The following PLXNA4 variants were observed in gnomAD, a reference collection of about 807,000 sequenced individuals.
PLXNA4 encodes the protein plexin-A4.
A neutral mutation model predicts 191.8 loss-of-function variants in PLXNA4; 44 were observed. The observed-to-expected ratio is 0.23, with a 90% confidence interval of 0.18 to 0.29. The LOEUF (loss-of-function observed/expected upper bound fraction) is 0.29, where lower values mean the gene tolerates loss of function less well. Among genes scored for constraint, PLXNA4 ranks in the 10% least tolerant of loss-of-function variants. The pLI is 1.00. For missense variants in PLXNA4, 1,800 were observed against 2,488.8 expected, an observed-to-expected ratio of 0.72 and a Z score of 5.89; for synonymous variants, 1,082 against 1,009.5, an observed-to-expected ratio of 1.07 and a Z score of -1.36.
At chr7:132,160,838 A>G (rs993248803) in intron 24 of PLXNA4, among the ~76,000 whole-genome samples, 9 of 152,122 alleles carry the variant, frequency 5.9e-5, no homozygotes, top group African/African-American at 1.9e-4. Flanking sequence ...GGCAATCAGA[A>G]CCCTGGGCTC....
At chr7:132,481,000 A>G (rs1222323709) in intron 3 of PLXNA4, among the ~76,000 whole-genome samples, 1 of 152,182 alleles carries the variant, frequency 6.6e-6, no homozygotes, top group African/African-American at 2.4e-5. Flanking sequence ...TGTCAGGTCC[A>G]CTTCCATGCA....
intron 1 of PLXNA4, among the ~76,000 whole-genome samples, chr7:132,555,185 A>T (rs1315554772): frequency 6.6e-6 from 1 of 152,238 alleles, no homozygotes; most frequent in Non-Finnish European, 1.5e-5. Flanking sequence ...GATTGAATAT[A>T]TAAACGTGGC....
chr7:132,297,189 C>A (rs115551149), intron 4 of PLXNA4, among the ~76,000 whole-genome samples: 1 of 152,098 alleles, frequency 6.6e-6, no homozygotes, highest in Non-Finnish European at 1.5e-5. Context: ...AGATCTGCCC[C>A]TCATGGCCGC....
intron 3 of PLXNA4, among the ~76,000 whole-genome samples, chr7:132,321,277 C>G (rs1802153672): frequency 6.6e-6 from 1 of 152,018 alleles, no homozygotes; most frequent in African/African-American, 2.4e-5. Flanking sequence ...TTCTGTCTGC[C>G]AAGCTGCTGA....
At chr7:132,181,981 T>C in intron 17 of PLXNA4, 116 bp downstream of exon 17, 2 of 1,524,324 alleles carry the variant, frequency 1.3e-6, no homozygotes, top group Non-Finnish European at 1.8e-6. Flanking sequence ...TGTCAGGCTG[T>C]GGGTTATCAG....
chr7:132,199,885 G>T (rs1022051599), intron 12 of PLXNA4, among the ~76,000 whole-genome samples: 3 of 152,188 alleles, frequency 2.0e-5, no homozygotes, highest in Non-Finnish European at 4.4e-5. Flanking sequence ...GTGTGCAGGG[G>T]TGTGAGCCTG....
At chr7:132,227,853 A>G (rs1444570485) in intron 6 of PLXNA4, among the ~76,000 whole-genome samples, 1 of 152,198 alleles carries the variant, frequency 6.6e-6, no homozygotes, top group African/African-American at 2.4e-5. Context: ...CCAGGAAACA[A>G]GAATGCTTAA....
chr7:132,551,544 G>A (rs569426837), intron 1 of PLXNA4, among the ~76,000 whole-genome samples: 112 of 152,218 alleles, frequency 7.4e-4, no homozygotes, highest in Admixed American at 5.2e-4. Flanking sequence ...TACCTCGCTG[G>A]AGGCTGCAAG....
At chr7:132,423,075 G>A (rs891789516) in intron 3 of PLXNA4, among the ~76,000 whole-genome samples, 2 of 152,142 alleles carry the variant, frequency 1.3e-5, no homozygotes. Flanking sequence ...CATGGAATTC[G>A]TTACACGACT....
intron 3 of PLXNA4, among the ~76,000 whole-genome samples, chr7:132,340,538 C>T (rs1174418955): frequency 6.6e-6 from 1 of 152,096 alleles, no homozygotes; most frequent in East Asian, 1.9e-4. Flanking sequence ...TTAGTGTACA[C>T]CAAGGACAGC....
chr7:132,370,521 G>A (rs1242867896), intron 3 of PLXNA4, among the ~76,000 whole-genome samples: 1 of 152,150 alleles, frequency 6.6e-6, no homozygotes, highest in African/African-American at 2.4e-5. Context: ...TTTGTATTTG[G>A]ATGCATACAT....
At position 132,554,286 on chromosome 7, in the gene PLXNA4, C is replaced by T. The variant is rs114423167; in HGVS notation, c.-87+22136G>A. On this transcript the variant is annotated intron_variant, in intron 1 of 31. Coordinates refer to ENST00000321063, the MANE Select transcript of PLXNA4 (RefSeq NM_020911.2). ...GGGGACAGTGTGACAATGAGGTGCC[C>T]CTTTTCCTTTAGGGGACAGAGAAGC... Among the ~76,000 whole-genome samples the T allele has an allele frequency of 6.5e-3, 993 of 152,190 alleles. 13 individuals are homozygous for T. The highest frequency in any genetic ancestry group is 0.022 in the African/African-American group (913 of 41,510).
rs551451677 is a variant in PLXNA4, at chr7:132,228,853, C to T, written c.1605-384G>A. 6.6e-5 allele frequency among the ~76,000 whole-genome samples: 10 copies of T among 152,284 alleles called. No individual in the cohort carries two copies. In the East Asian group the frequency reaches 1.9e-3, roughly 29 times the overall value. Reference sequence around the variant, plus strand: ...TCATATAGAAAATATACCTCCTTGGCTTTGAACATGCCAGTTCTTCTGCTG... The same window carrying T: ...TCATATAGAAAATATACCTCCTTGGTTTTGAACATGCCAGTTCTTCTGCTG... On this transcript the variant is annotated intron_variant, in intron 5 of 31. Transcript: ENST00000321063.
intron 3 of PLXNA4, among the ~76,000 whole-genome samples, chr7:132,335,603 C>A (rs1303418771): frequency 6.6e-6 from 1 of 152,166 alleles, no homozygotes; most frequent in African/African-American, 2.4e-5. Context: ...TAAATTGATG[C>A]GTTCTGACAT....
intron 4 of PLXNA4, among the ~76,000 whole-genome samples, chr7:132,276,274 C>T (rs1800275319): frequency 6.6e-6 from 1 of 152,126 alleles, no homozygotes; most frequent in African/African-American, 2.4e-5. Flanking sequence ...AGTTTTTCTA[C>T]CACCTTCCTT....
chr7:132,167,602 A>G (rs1796159800), intron 22 of PLXNA4, among the ~76,000 whole-genome samples: 1 of 152,092 alleles, frequency 6.6e-6, no homozygotes, highest in East Asian at 1.9e-4. Flanking sequence ...TGGTGAGATC[A>G]TGGCTCACTA....
intron 1 of PLXNA4, among the ~76,000 whole-genome samples, chr7:132,533,230 A>G (rs748350044): frequency 2.6e-5 from 4 of 152,198 alleles, no homozygotes; most frequent in Non-Finnish European, 5.9e-5. Context: ...TCAGCACAGT[A>G]TAAACACCCA....
Position 132,142,412 on chromosome 7 carries a change from C to T in PLXNA4, c.5226-1601G>A, listed in dbSNP as rs114976046. Among the ~76,000 whole-genome samples, 599 of 152,286 alleles carry T rather than the reference C, an allele frequency of 3.9e-3. 2 individuals are homozygous for T. The highest frequency in any genetic ancestry group is 0.014 in the African/African-American group (574 of 41,560). On this transcript the variant is annotated intron_variant, in intron 29 of 31. Coordinates refer to ENST00000321063, the MANE Select transcript of PLXNA4 (RefSeq NM_020911.2). ...ATATTCATTATGTGTTTGGCTTGCT[C>T]GTTAGAACTTAAATTCTTTGAATTA...
intron 3 of PLXNA4, among the ~76,000 whole-genome samples, chr7:132,403,463 A>C (rs1794079233): frequency 6.6e-6 from 1 of 152,226 alleles, no homozygotes; most frequent in Non-Finnish European, 1.5e-5. Context: ...TTGCTGCTAA[A>C]GATCACGGGG....
Sources: gnomAD v4.1 joint callset for allele counts (sites outside exome capture counted in the v4.1 genomes callset) on GRCh38, gnomAD v4.1.1 for gene constraint, MANE v1.5 for transcripts, NCBI Gene and HGNC (gene_info 2026-07-23, HGNC 2026-07-21) for gene names.